Variants in CDH18 observed in about 807,000 individuals in gnomAD.
The protein encoded by CDH18 is cadherin-18.
A neutral mutation model predicts 67.9 loss-of-function variants in CDH18; 31 were observed. That is an observed-to-expected ratio of 0.46 (90% CI 0.34 to 0.62). CDH18 has a LOEUF of 0.62. CDH18 is among the 20% of genes least tolerant of loss of function. The pLI is 0.01. For missense variants in CDH18, 890 were observed against 975.5 expected, an observed-to-expected ratio of 0.91 and a Z score of 1.17; for synonymous variants, 362 against 347.2, an observed-to-expected ratio of 1.04 and a Z score of -0.48.
At chr5:20,172,970 A>G (rs1365278530) in intron 2 of CDH18, among the ~76,000 whole-genome samples, 1 of 145,918 alleles carries the variant, frequency 6.9e-6, no homozygotes, top group African/African-American at 2.6e-5. Flanking sequence ...AGCCTGGGCA[A>G]CAAGAGTGAA....
chr5:20,546,304 G>T (rs1222714958), intron 1 of CDH18, among the ~76,000 whole-genome samples: 2 of 152,006 alleles, frequency 1.3e-5, no homozygotes, highest in African/African-American at 4.8e-5. Context: ...CTGTTACCCA[G>T]TTCCAAACTC....
chr5:20,205,979 G>A (rs1210088482), intron 2 of CDH18, among the ~76,000 whole-genome samples: 1 of 151,350 alleles, frequency 6.6e-6, no homozygotes, highest in African/African-American at 2.4e-5. Flanking sequence ...TTAATACAGG[G>A]GATGAAATAA....
At chr5:20,402,198 C>T (rs1745830837) in intron 1 of CDH18, among the ~76,000 whole-genome samples, 1 of 152,104 alleles carries the variant, frequency 6.6e-6, no homozygotes, top group Non-Finnish European at 1.5e-5. Flanking sequence ...ATTTGGTAGT[C>T]TGATGTTTTT....
intron 2 of CDH18, among the ~76,000 whole-genome samples, chr5:20,041,582 T>C (rs1157856980): frequency 6.6e-6 from 1 of 152,212 alleles, no homozygotes; most frequent in Non-Finnish European, 1.5e-5. Context: ...GATAAAACAA[T>C]GTTGATAATG....
intron 6 of CDH18, among the ~76,000 whole-genome samples, chr5:19,604,545 AC>A (rs1747718168): frequency 2.1e-5 from 3 of 146,254 alleles, no homozygotes; most frequent in Non-Finnish European, 3.0e-5. Flanking sequence ...ACACACACAC[AC>A]ACACACACAC....
intron 2 of CDH18, among the ~76,000 whole-genome samples, chr5:20,216,739 G>A (rs1389765070): frequency 1.3e-5 from 2 of 151,874 alleles, no homozygotes; most frequent in African/African-American, 4.8e-5. Context: ...AACATCAGCA[G>A]CAGAAGCATC....
At chr5:19,724,825 T>C (rs2150595121) in intron 4 of CDH18, among the ~76,000 whole-genome samples, 1 of 152,316 alleles carries the variant, frequency 6.6e-6, no homozygotes, top group African/African-American at 2.4e-5. Flanking sequence ...CCTTTCTGGC[T>C]TGATTAAATC....
At chr5:20,497,484 T>G (rs1429890514) in intron 1 of CDH18, among the ~76,000 whole-genome samples, 1 of 152,160 alleles carries the variant, frequency 6.6e-6, no homozygotes, top group Non-Finnish European at 1.5e-5. Flanking sequence ...CTGTATAAGT[T>G]TGTAGCCTAA....
intron 5 of CDH18, among the ~76,000 whole-genome samples, chr5:19,638,616 T>G: frequency 6.6e-6 from 1 of 151,582 alleles, no homozygotes; most frequent in Non-Finnish European, 1.5e-5. Flanking sequence ...TGAGGTGGTA[T>G]CAGCAAGTGG....
rs1254963156 is a variant in CDH18, at chr5:20,253,845, ATC to A, written c.-518+1597_-518+1598del. 3.3e-5 allele frequency among the ~76,000 whole-genome samples: 5 copies of A among 152,216 alleles called. No individual in the cohort carries two copies. The East Asian group carries it at 9.7e-4, about 29-fold the overall frequency. ...ATATTTGAAGATATAGTCCACAAAA[ATC>A]TCTCTAATTTCCCTAGAGGTTGACA... On this transcript the variant is annotated intron_variant, in intron 2 of 14. Transcript: ENST00000507958.
chr5:20,146,180 T>G (rs537934805), intron 2 of CDH18, among the ~76,000 whole-genome samples: 1 of 152,190 alleles, frequency 6.6e-6, no homozygotes, highest in African/African-American at 2.4e-5. Context: ...AAGTGAAACT[T>G]TTGTCCTGAT....
At chr5:20,566,617 C>T (rs1004616453) in intron 1 of CDH18, among the ~76,000 whole-genome samples, 9 of 149,860 alleles carry the variant, frequency 6.0e-5, no homozygotes, top group Non-Finnish European at 1.0e-4. Flanking sequence ...CTTCGTGATC[C>T]GCCCACCTAG....
chr5:19,870,984 C>A (rs527836939), intron 2 of CDH18, among the ~76,000 whole-genome samples: 1 of 152,154 alleles, frequency 6.6e-6, no homozygotes, highest in African/African-American at 2.4e-5. Flanking sequence ...CATTTGATCA[C>A]CATATCAGAT....
chr5:20,137,926 TC>T (rs1561821005), intron 2 of CDH18, among the ~76,000 whole-genome samples: 1 of 152,012 alleles, frequency 6.6e-6, no homozygotes, highest in African/African-American at 2.4e-5. Flanking sequence ...ACAACTCCAA[TC>T]AATAGAAAAA....
At chr5:19,551,331 T>C (rs1369055534) in intron 8 of CDH18, among the ~76,000 whole-genome samples, 2 of 152,246 alleles carry the variant, frequency 1.3e-5, no homozygotes, top group East Asian at 3.9e-4. Flanking sequence ...ATTTAGAATG[T>C]AAAGATCAAT....
intron 2 of CDH18, among the ~76,000 whole-genome samples, chr5:19,940,128 C>T (rs1794671571): frequency 1.3e-5 from 2 of 151,370 alleles, no homozygotes; most frequent in African/African-American, 2.4e-5. Context: ...ATTTTTATAC[C>T]TCAAAAAAGA....
In CDH18 at chr5:19,921,355, C is replaced by A. The variant is rs569364002; in HGVS notation, c.-257+59705G>T. On this transcript the variant is annotated intron_variant, in intron 2 of 12. Coordinates refer to ENST00000382275, the MANE Select transcript of CDH18 (RefSeq NM_004934.5). ...GACTATCCTGGCTAACACAGTGAAACCCTGTCTCTACTAAAAATACAAATA... is the reference window on the plus strand; with the variant it reads ...GACTATCCTGGCTAACACAGTGAAAACCTGTCTCTACTAAAAATACAAATA... 1.3e-4 allele frequency among the ~76,000 whole-genome samples: 20 copies of A among 152,050 alleles called. 1 individual carries two copies. The South Asian group carries it at 3.9e-3, about 30-fold the overall frequency.
At chr5:20,407,871 C>T (rs1438791679) in intron 1 of CDH18, among the ~76,000 whole-genome samples, 1 of 151,870 alleles carries the variant, frequency 6.6e-6, no homozygotes, top group Non-Finnish European at 1.5e-5. Context: ...TTTCCCTAAT[C>T]CCAATGAAGA....
At chr5:19,490,355 GT>G (rs1028786599) in intron 11 of CDH18, among the ~76,000 whole-genome samples, 11 of 112,436 alleles carry the variant, frequency 9.8e-5, no homozygotes, top group Admixed American at 3.7e-4. Flanking sequence ...GATAAAATTA[GT>G]TTTTTTTATA....
Sources: gnomAD v4.1 joint callset for allele counts (sites outside exome capture counted in the v4.1 genomes callset) on GRCh38, gnomAD v4.1.1 for gene constraint, MANE v1.5 for transcripts, NCBI Gene and HGNC (gene_info 2026-07-23, HGNC 2026-07-21) for gene names.